Variants in INTS6 observed in about 807,000 individuals in gnomAD.
INTS6 encodes DEAD box protein.
In INTS6, 16 loss-of-function variants were observed where a neutral mutation model predicts 104.9. That is an observed-to-expected ratio of 0.15 (90% CI 0.10 to 0.23). The LOEUF (loss-of-function observed/expected upper bound fraction) is 0.23. INTS6 is among the 10% of genes least tolerant of loss of function. The pLI is 1.00. For synonymous variants in INTS6, 324 were observed against 358.7 expected (o/e 0.90, Z 1.09); for missense variants, 584 against 1,062.8 (o/e 0.55, Z 6.26).
rs1386621343 is a variant in INTS6 at position 51,440,030 on chromosome 13, A to C, written c.340-9647T>G. ...GAGGCGGGCGGATCATGAGGTCAGGAGATCAGGAGGTCAGGAGAGCATGAT... is the reference window on the plus strand; with the variant it reads ...GAGGCGGGCGGATCATGAGGTCAGGCGATCAGGAGGTCAGGAGAGCATGAT... On this transcript the variant is annotated intron_variant, in intron 3 of 17. Transcript: ENST00000311234. 2.0e-5 allele frequency: 3 copies of C among 152,574 alleles called. No homozygotes were observed. In the East Asian group the frequency reaches 5.8e-4, roughly 29 times the overall value. 9.5% of individuals were successfully genotyped at this position (152,574 alleles called of 1,614,324 possible). A position where few individuals can be genotyped will look rare whatever the true frequency, so the allele number is the denominator to read the frequency against.
At position 51,374,776 on chromosome 13, in the gene INTS6, T is replaced by C. The variant is rs755712225; in HGVS notation, c.1750A>G (p.Ile584Val). The C allele has an allele frequency of 6.2e-6, 10 of 1,613,394 alleles. No homozygotes were observed. The highest frequency in any genetic ancestry group is 4.0e-5 in the African/African-American group (3 of 74,924). ...QDEDQVHSVPIAQMGNYQEYL... is the reference protein window; with the variant it reads ...QDEDQVHSVPVAQMGNYQEYL... ...TCCTGGTAGTTCCCCATTTGTGCTA[T>C]AGGAACACTGTGCACTTGATCTTTC... Residue 584 changes from isoleucine to valine, a missense_variant, in exon 14 of 18, where the codon ATA (isoleucine) becomes GTA (valine). This residue lies in a region of INTS6 where 296 missense variants were observed against 437.0 expected (regional missense o/e 0.68). Transcript: ENST00000311234.
At chr13:51,359,890 A>T (rs1486839497), downstream of INTS6, among the ~76,000 whole-genome samples, 1 of 152,084 alleles carries the variant, frequency 6.6e-6, no homozygotes, top group African/African-American at 2.4e-5. Flanking sequence ...GACCCTAGAG[A>T]AAAAGACCAA....
At chr13:51,450,106 A>C in intron 3 of INTS6, 1 of 985,378 alleles carries the variant, frequency 1.0e-6, no homozygotes, top group Non-Finnish European at 1.2e-6. Flanking sequence ...AAAACTAGGG[A>C]CTGTGGGACT....
chr13:51,363,547 A>C lies in INTS6; in HGVS notation c.*2205T>G, dbSNP rs1848153238. 1 of 152,010 alleles carries C rather than the reference A, an allele frequency of 6.6e-6. No homozygotes were observed. The highest frequency in any genetic ancestry group is 1.5e-5 in the Non-Finnish European group (1 of 67,938). The allele number at this position is 152,010 out of a possible 1,614,324, so 9.4% of individuals were successfully genotyped here. A position where few individuals can be genotyped will look rare whatever the true frequency, so the allele number is the denominator to read the frequency against. On this transcript the variant is annotated 3_prime_UTR_variant, in exon 18 of 18. Transcript: ENST00000311234. Reference sequence around the variant, plus strand: ...AAACCTCAAGATTAAACTTTCCAAGAATATCATTTGTCGAGCCTTAAGTCA... The same window carrying C: ...AAACCTCAAGATTAAACTTTCCAAGCATATCATTTGTCGAGCCTTAAGTCA...
intron 4 of INTS6, among the ~76,000 whole-genome samples, chr13:51,415,779 C>A (rs1292574418): frequency 2.6e-5 from 4 of 152,126 alleles, no homozygotes; most frequent in Non-Finnish European, 4.4e-5. Context: ...AGTCACCAAG[C>A]CTTTTAGGCC....
the INTS6 span, among the ~76,000 whole-genome samples, chr13:51,348,811 T>C: frequency 0.16 from 10,464 of 65,814 alleles, 1 homozygote; most frequent in African/African-American, 0.32. Flanking sequence ...CTGTCATTTT[T>C]CCAAAACCAA....
At chr13:51,376,864 G>A (rs1160686493) in intron 12 of INTS6, among the ~76,000 whole-genome samples, 1 of 152,140 alleles carries the variant, frequency 6.6e-6, no homozygotes, top group East Asian at 1.9e-4. Flanking sequence ...TTCACCAGCT[G>A]ATGGGCACTT....
chr13:51,408,229 T>C (rs1474376272), intron 4 of INTS6, among the ~76,000 whole-genome samples: 6 of 150,808 alleles, frequency 4.0e-5, no homozygotes, highest in Admixed American at 3.3e-4. Flanking sequence ...CTGCAACCTC[T>C]GCCTCCCAGG....
intron 9 of INTS6, 107 bp from the exon 10 acceptor site, chr13:51,382,230 A>G: frequency 3.8e-6 from 2 of 526,096 alleles, no homozygotes; most frequent in Non-Finnish European, 6.5e-6. Flanking sequence ...TTTTTGAGAG[A>G]GTAACATCAG....
intron 11 of INTS6, among the ~76,000 whole-genome samples, chr13:51,378,920 T>C (rs1955990103): frequency 6.6e-6 from 1 of 152,054 alleles, no homozygotes. Context: ...CCTTTTGATT[T>C]GTAGTTAAGG....
the INTS6 span, chr13:51,348,202 T>A: frequency 6.4e-7 from 1 of 1,570,662 alleles, no homozygotes; most frequent in Admixed American, 1.8e-5. Flanking sequence ...TCTGATCCAC[T>A]GTACCCTCAG....
rs1410246716 is a variant in INTS6 at position 51,361,774 on chromosome 13, A to C, written c.*3978T>G. 1.3e-6 allele frequency: 2 copies of C among 1,550,128 alleles called. No individual in the cohort carries two copies. The highest frequency in any genetic ancestry group is 2.4e-5 in the South Asian group (2 of 82,674). ...AATAGTTATTTTCTTAAAAATGCACAGAAAATGCAATGGAATTTTTCTTTC... is the reference window on the plus strand; with the variant it reads ...AATAGTTATTTTCTTAAAAATGCACCGAAAATGCAATGGAATTTTTCTTTC... On this transcript the variant is annotated 3_prime_UTR_variant, in exon 18 of 18. Transcript: ENST00000311234.
chr13:51,355,081 T>G, intron 3 of INTS6: 2 of 1,551,152 alleles, frequency 1.3e-6, no homozygotes, highest in Non-Finnish European at 8.7e-7. Context: ...AAAAGCATTT[T>G]AAATTCTTGG....
the INTS6 span, among the ~76,000 whole-genome samples, chr13:51,344,671 C>T: frequency 6.6e-6 from 1 of 152,064 alleles, no homozygotes; most frequent in Non-Finnish European, 1.5e-5. Context: ...TCTCTTCCTG[C>T]TCTGACCCTC....
At chr13:51,354,258 T>C (rs534894526) in exon 4 of INTS6, 5 of 152,174 alleles carry the variant, frequency 3.3e-5, no homozygotes, top group African/African-American at 1.2e-4. Context: ...ACAGGCTTGA[T>C]TTGAATCGAG....
At chr13:51,354,798 TA>T (rs935491025) in intron 3 of INTS6, among the ~76,000 whole-genome samples, 1 of 151,934 alleles carries the variant, frequency 6.6e-6, no homozygotes, top group African/African-American at 2.4e-5. Context: ...GGATAATAAC[TA>T]AAAGACAATC....
At chr13:51,435,312 T>C (rs368439083) in intron 3 of INTS6, among the ~76,000 whole-genome samples, 1 of 152,018 alleles carries the variant, frequency 6.6e-6, no homozygotes, top group African/African-American at 2.4e-5. Flanking sequence ...GTTCTAGCTC[T>C]AGAGCTACTT....
chr13:51,448,080 T>A (rs1179972151), intron 3 of INTS6: 1 of 152,128 alleles, frequency 6.6e-6, no homozygotes, highest in Non-Finnish European at 1.5e-5. Context: ...ACATATATAT[T>A]GATGGAAAAC....
intron 15 of INTS6, among the ~76,000 whole-genome samples, chr13:51,372,800 A>T (rs910811458): frequency 2.6e-5 from 4 of 152,280 alleles, no homozygotes; most frequent in Middle Eastern, 3.4e-3. Flanking sequence ...TTGAAACCCC[A>T]CTGTCAGGTC....
Sources: gnomAD v4.1 joint callset for allele counts (sites outside exome capture counted in the v4.1 genomes callset) on GRCh38, gnomAD v4.1.1 for gene constraint, gnomAD v4.1.1 regional missense constraint, MANE v1.5 for transcripts, NCBI Gene and HGNC (gene_info 2026-07-23, HGNC 2026-07-21) for gene names.